The following GIGYF2 variants were observed in gnomAD, a reference collection of about 807,000 sequenced individuals.
GIGYF2 encodes GRB10 interacting GYF protein 2, also known as GRB10-interacting GYF protein 2.
A neutral mutation model predicts 208.1 loss-of-function variants in GIGYF2; 25 were observed. That is an observed-to-expected ratio of 0.12 (90% CI 0.09 to 0.17). The LOEUF (loss-of-function observed/expected upper bound fraction) is 0.17, where lower values mean the gene tolerates loss of function less well. Among genes scored for constraint, GIGYF2 ranks in the 10% least tolerant of loss-of-function variants. The pLI, the probability that GIGYF2 is intolerant of heterozygous loss-of-function variation, is 1.00. For missense variants in GIGYF2, 1,302 were observed against 1,579.4 expected, an observed-to-expected ratio of 0.82 and a Z score of 2.98; for synonymous variants, 534 against 543.8, an observed-to-expected ratio of 0.98 and a Z score of 0.25.
Position 232,765,798 on chromosome 2 carries a change from G to A in GIGYF2, c.532+4362G>A, listed in dbSNP as rs554578441. 2.1e-5 allele frequency: 8 copies of A among 373,272 alleles called. 1 individual carries two copies. The highest frequency in any genetic ancestry group is 1.7e-4 in the South Asian group (8 of 46,858). 23.1% of individuals were successfully genotyped at this position (373,272 alleles called of 1,614,324 possible). ...TTATAGACTCTTCTGGTACTTGGTAGTATGGGCTTGTACATATGTAAAACT... is the reference window on the plus strand; with the variant it reads ...TTATAGACTCTTCTGGTACTTGGTAATATGGGCTTGTACATATGTAAAACT... On this transcript the variant is annotated intron_variant, in intron 8 of 28. Transcript: ENST00000373563.
chr2:232,777,172 T>A (rs932264563), intron 8 of GIGYF2, among the ~76,000 whole-genome samples: 7 of 152,184 alleles, frequency 4.6e-5, no homozygotes, highest in Admixed American at 1.3e-4. Flanking sequence ...TTAATTGTTC[T>A]GTACCTGATA....
intron 14 of GIGYF2, among the ~76,000 whole-genome samples, chr2:232,804,115 T>C (rs926627657): frequency 2.0e-5 from 3 of 152,186 alleles, no homozygotes; most frequent in Admixed American, 2.0e-4. Context: ...AAAATTTTTT[T>C]TTAGCTTTGT....
chr2:232,729,770 A>C, intron 2 of GIGYF2: 1 of 751,596 alleles, frequency 1.3e-6, no homozygotes, highest in Non-Finnish European at 2.5e-6. Flanking sequence ...TTTCACATCT[A>C]TAAGATGGAA....
chr2:232,812,536 G>T (rs370973495), intron 18 of GIGYF2, 45 bp downstream of exon 18: 16 of 781,086 alleles, frequency 2.0e-5, no homozygotes, highest in Non-Finnish European at 3.7e-5. Flanking sequence ...AGGATTCAGA[G>T]TCTAATAATA....
intron 17 of GIGYF2, among the ~76,000 whole-genome samples, chr2:232,811,956 C>T (rs1054459707): frequency 1.3e-5 from 2 of 152,126 alleles, no homozygotes; most frequent in African/African-American, 4.8e-5. Flanking sequence ...TATGGATGGG[C>T]AAACTGGGAC....
chr2:232,822,724 G>T (rs568874289), intron 21 of GIGYF2, among the ~76,000 whole-genome samples: 5 of 152,294 alleles, frequency 3.3e-5, no homozygotes, highest in South Asian at 2.1e-4. Context: ...AATTGGAATT[G>T]CCAGTTCTAT....
intron 2 of GIGYF2, among the ~76,000 whole-genome samples, chr2:232,727,679 C>G (rs1316268733): frequency 6.6e-6 from 1 of 152,132 alleles, no homozygotes; most frequent in African/African-American, 2.4e-5. Context: ...CTCTTTCTTC[C>G]TGTATCAGCC....
At chr2:232,778,534 G>C (rs1699607552) in intron 8 of GIGYF2, among the ~76,000 whole-genome samples, 1 of 152,100 alleles carries the variant, frequency 6.6e-6, no homozygotes, top group Non-Finnish European at 1.5e-5. Flanking sequence ...AGTCATTTCT[G>C]GTTGAAGTTA....
At chr2:232,745,301 T>C (rs576679454) in intron 3 of GIGYF2, among the ~76,000 whole-genome samples, 13 of 152,226 alleles carry the variant, frequency 8.5e-5, no homozygotes, top group Admixed American at 2.6e-4. Flanking sequence ...CAGGGCTCCC[T>C]GGAAATGATT....
At chr2:232,819,328 A>G (rs990448601) in intron 20 of GIGYF2, among the ~76,000 whole-genome samples, 6 of 152,160 alleles carry the variant, frequency 3.9e-5, no homozygotes, top group Non-Finnish European at 8.8e-5. Flanking sequence ...GTAATACTTA[A>G]TAGTATTGGT....
chr2:232,809,945 G>A lies in GIGYF2; in HGVS notation c.1898+134G>A, dbSNP rs140439222. The A allele has an allele frequency of 6.3e-4, 434 of 693,422 alleles. 2 individuals are homozygous for A. In the African/African-American group the frequency reaches 6.9e-3, roughly 11 times the overall value. 43.0% of individuals were successfully genotyped at this position (693,422 alleles called of 1,614,324 possible). On this transcript the variant is annotated intron_variant, in intron 16 of 28. Coordinates refer to ENST00000373563, the MANE Select transcript of GIGYF2 (RefSeq NM_001103146.3). ...GCACTTCAGTCACCCAGCTAGTGGCGTCTTGCCACCATACCTTCTAATTTT... is the reference window on the plus strand; with the variant it reads ...GCACTTCAGTCACCCAGCTAGTGGCATCTTGCCACCATACCTTCTAATTTT...
chr2:232,756,125 G>T, intron 5 of GIGYF2, 98 bp from the exon 6 acceptor site: 1 of 698,772 alleles, frequency 1.4e-6, no homozygotes. Context: ...AGATGCAGTA[G>T]GAATGTGGGG....
intron 1 of GIGYF2, among the ~76,000 whole-genome samples, chr2:232,699,207 A>T (rs927919037): frequency 6.6e-6 from 1 of 152,192 alleles, no homozygotes; most frequent in Non-Finnish European, 1.5e-5. Flanking sequence ...CTTTAGCTAT[A>T]CTGGGGTAAA....
chr2:232,775,644 T>C (rs1470994602), intron 8 of GIGYF2, among the ~76,000 whole-genome samples: 1 of 152,158 alleles, frequency 6.6e-6, no homozygotes, highest in Non-Finnish European at 1.5e-5. Context: ...ATAGTACCTA[T>C]TAAAAAATGA....
chr2:232,776,584 C>A, intron 8 of GIGYF2: 1 of 724,148 alleles, frequency 1.4e-6, no homozygotes, highest in South Asian at 1.5e-5. Flanking sequence ...AGCTTACATT[C>A]CTCTGTTTAT....
chr2:232,817,109 A>G, intron 20 of GIGYF2, 77 bp downstream of exon 20: 1 of 1,076,368 alleles, frequency 9.3e-7, no homozygotes, highest in South Asian at 1.2e-5. Context: ...ATCATTTCAC[A>G]GATACTCCTG....
intron 14 of GIGYF2, among the ~76,000 whole-genome samples, chr2:232,804,575 T>G (rs1700502650): frequency 6.6e-6 from 1 of 152,120 alleles, no homozygotes; most frequent in African/African-American, 2.4e-5. Context: ...CCCTGCAACC[T>G]CTGCTTCCCA....
At chr2:232,817,990 G>C (rs913082275) in intron 20 of GIGYF2, among the ~76,000 whole-genome samples, 3 of 152,094 alleles carry the variant, frequency 2.0e-5, no homozygotes, top group African/African-American at 4.8e-5. Context: ...TACTGACAAG[G>C]CACAGCTGTT....
chr2:232,763,237 G>A (rs1298018122), intron 8 of GIGYF2, among the ~76,000 whole-genome samples: 1 of 150,184 alleles, frequency 6.7e-6, no homozygotes, highest in African/African-American at 2.5e-5. Flanking sequence ...TTTGCAATCA[G>A]AAGATCATGG....
Sources: gnomAD v4.1 joint callset for allele counts (sites outside exome capture counted in the v4.1 genomes callset) on GRCh38, gnomAD v4.1.1 for gene constraint, MANE v1.5 for transcripts, NCBI Gene and HGNC (gene_info 2026-07-23, HGNC 2026-07-21) for gene names.